VEGFC: variants seen among roughly 807,000 people sequenced by gnomAD.
VEGFC encodes the protein FLT4 ligand DHM.
VEGFC carries 12 observed loss-of-function variants against 46.1 expected under a neutral mutation model. The observed-to-expected ratio is 0.26, with a 90% confidence interval of 0.17 to 0.42. The LOEUF (loss-of-function observed/expected upper bound fraction) is 0.42, where lower values mean the gene tolerates loss of function less well. Among genes scored for constraint, VEGFC ranks in the 10% least tolerant of loss-of-function variants. The pLI is 1.00. For synonymous variants in VEGFC, 232 were observed against 195.5 expected (o/e 1.19, Z -1.56); for missense variants, 488 against 529.4 (o/e 0.92, Z 0.77).
intron 1 of VEGFC, among the ~76,000 whole-genome samples, chr4:176,767,123 TA>T (rs70964805): frequency 1.4e-3 from 70 of 50,478 alleles, no homozygotes; most frequent in Middle Eastern, 0.024. Flanking sequence ...TGTAGAAATC[TA>T]AAAAAAAAAA....
At chr4:176,718,107 A>AT (rs1242360419) in intron 3 of VEGFC, among the ~76,000 whole-genome samples, 10 of 152,224 alleles carry the variant, frequency 6.6e-5, no homozygotes, top group African/African-American at 2.4e-4. Context: ...AAAAAGTGGT[A>AT]TTTTTCACAG....
chr4:176,733,181 C>A (rs1433437654), intron 1 of VEGFC, among the ~76,000 whole-genome samples: 2 of 151,900 alleles, frequency 1.3e-5, no homozygotes, highest in African/African-American at 4.8e-5. Flanking sequence ...TAAATCTGTA[C>A]AGCCACTTTG....
At chr4:176,779,150 G>A (rs996529774) in intron 1 of VEGFC, among the ~76,000 whole-genome samples, 2 of 152,092 alleles carry the variant, frequency 1.3e-5, no homozygotes, top group African/African-American at 4.8e-5. Context: ...ATAACATCAT[G>A]TATAAATCAA....
chr4:176,768,101 G>C (rs1735660905), intron 1 of VEGFC, among the ~76,000 whole-genome samples: 1 of 152,188 alleles, frequency 6.6e-6, no homozygotes, highest in South Asian at 2.1e-4. Context: ...GGTAGAGCTA[G>C]AGCAAATTTG....
chr4:176,717,129 A>C (rs979225386), intron 3 of VEGFC, among the ~76,000 whole-genome samples: 2 of 152,202 alleles, frequency 1.3e-5, no homozygotes, highest in African/African-American at 2.4e-5. Flanking sequence ...AATAAGTAAT[A>C]TTAACTTGTG....
At chr4:176,694,341 T>C (rs1459036269) in intron 4 of VEGFC, among the ~76,000 whole-genome samples, 6 of 151,986 alleles carry the variant, frequency 3.9e-5, no homozygotes, top group Non-Finnish European at 7.4e-5. Context: ...TAGTCTCTGA[T>C]AAAACAGACT....
At chr4:176,734,258 TAAATAAA>T (rs1273110384) in intron 1 of VEGFC, among the ~76,000 whole-genome samples, 4 of 151,826 alleles carry the variant, frequency 2.6e-5, no homozygotes, top group African/African-American at 9.7e-5. Flanking sequence ...CCAAGTACAA[TAAATAAA>T]AGATTAAATA....
chr4:176,709,186 A>G (rs1202607677), intron 4 of VEGFC, among the ~76,000 whole-genome samples: 1 of 152,232 alleles, frequency 6.6e-6, no homozygotes, highest in Non-Finnish European at 1.5e-5. Context: ...ATTTATGTAC[A>G]TTATTTAGCC....
chr4:176,706,948 T>C (rs1184825830), intron 4 of VEGFC, among the ~76,000 whole-genome samples: 1 of 152,166 alleles, frequency 6.6e-6, no homozygotes, highest in Non-Finnish European at 1.5e-5. Flanking sequence ...CTAGAGTACA[T>C]TTGCGTCTTT....
At chr4:176,736,660 A>G (rs1735059663) in intron 1 of VEGFC, among the ~76,000 whole-genome samples, 1 of 151,320 alleles carries the variant, frequency 6.6e-6, no homozygotes, top group South Asian at 2.1e-4. Context: ...AAAATAAAAG[A>G]CTCTTTCTTG....
At chr4:176,723,066 C>A (rs1211014570) in intron 3 of VEGFC, among the ~76,000 whole-genome samples, 2 of 152,102 alleles carry the variant, frequency 1.3e-5, no homozygotes, top group Non-Finnish European at 2.9e-5. Flanking sequence ...TTAGATTTTA[C>A]CTAAGGTATG....
At chr4:176,762,669 T>C (rs1280158972) in intron 1 of VEGFC, among the ~76,000 whole-genome samples, 1 of 152,242 alleles carries the variant, frequency 6.6e-6, no homozygotes, top group African/African-American at 2.4e-5. Context: ...CATGCACACA[T>C]ATGTACTTCC....
At chr4:176,725,194 A>G (rs796953123) in intron 3 of VEGFC, among the ~76,000 whole-genome samples, 17 of 152,360 alleles carry the variant, frequency 1.1e-4, no homozygotes, top group African/African-American at 4.1e-4. Context: ...AAATATGTAC[A>G]GCTATGATAT....
At chr4:176,743,619 GATAGAT>G (rs1326853166) in intron 1 of VEGFC, among the ~76,000 whole-genome samples, 1 of 150,086 alleles carries the variant, frequency 6.7e-6, no homozygotes, top group Non-Finnish European at 1.5e-5. Context: ...TAATATTATA[GATAGAT>G]ATAGATATAT....
intron 3 of VEGFC, among the ~76,000 whole-genome samples, chr4:176,718,475 G>C (rs187034093): frequency 3.4e-4 from 51 of 152,120 alleles, no homozygotes; most frequent in Middle Eastern, 3.4e-3. Flanking sequence ...ATATAATCGA[G>C]CATGTCTTTG....
intron 1 of VEGFC, among the ~76,000 whole-genome samples, chr4:176,751,244 TAAAC>T (rs1047174041): frequency 5.3e-5 from 8 of 151,184 alleles, no homozygotes; most frequent in Non-Finnish European, 7.4e-5. Context: ...GACTAAAGAG[TAAAC>T]AAACAGTCTT....
intron 1 of VEGFC, among the ~76,000 whole-genome samples, chr4:176,760,292 A>C (rs1327641826): frequency 2.0e-5 from 3 of 152,194 alleles, no homozygotes; most frequent in African/African-American, 7.2e-5. Context: ...TGTAACTTGA[A>C]AAACAATTCA....
At position 176,780,383 on chromosome 4, in the gene VEGFC, A is replaced by AAAAAAAAAAAAAAAC. The variant is rs1299412617; in HGVS notation, c.147+11781_147+11782insGTTTTTTTTTTTTTT. Among the ~76,000 whole-genome samples, 23 of 89,690 alleles carry AAAAAAAAAAAAAAAC rather than the reference A, an allele frequency of 2.6e-4. 1 individual carries two copies. The highest frequency in any genetic ancestry group is 7.4e-3 in the Middle Eastern group (1 of 136). The allele number at this position is 89,690 out of a possible 152,430, so 58.8% of individuals were successfully genotyped here. A position where few individuals can be genotyped will look rare whatever the true frequency, so the allele number is the denominator to read the frequency against. ...GGCGACAGAGCGAGACTCCATCTCA[A>AAAAAAAAAAAAAAAC]AAAAAAAAAAAAAAAACTCCTTCTA... On this transcript the variant is annotated intron_variant, in intron 1 of 6. Coordinates refer to ENST00000618562, the MANE Select transcript of VEGFC (RefSeq NM_005429.5).
intron 1 of VEGFC, among the ~76,000 whole-genome samples, chr4:176,786,033 C>G (rs73872182): frequency 1.3e-5 from 2 of 151,926 alleles, no homozygotes; most frequent in South Asian, 4.1e-4. Flanking sequence ...TAGAGGAGTT[C>G]GAATACCATA....
Sources: gnomAD v4.1 joint callset for allele counts (sites outside exome capture counted in the v4.1 genomes callset) on GRCh38, gnomAD v4.1.1 for gene constraint, MANE v1.5 for transcripts, NCBI Gene and HGNC (gene_info 2026-07-23, HGNC 2026-07-21) for gene names.